Variants in PTPRD observed in about 807,000 individuals in gnomAD.
PTPRD encodes protein tyrosine phosphatase receptor type D.
Under a neutral mutation model 214.5 loss-of-function variants are expected in PTPRD, and 34 were observed. That is an observed-to-expected ratio of 0.16 (90% CI 0.12 to 0.21). The LOEUF (loss-of-function observed/expected upper bound fraction) is 0.21, where lower values mean the gene tolerates loss of function less well. Among genes scored for constraint, PTPRD ranks in the 10% least tolerant of loss-of-function variants. PTPRD has a pLI of 1.00. For missense variants in PTPRD, 2,545 were observed against 2,398.7 expected (o/e 1.06, Z -1.27); for synonymous variants, 1,128 against 845.7 (o/e 1.33, Z -5.79).
intron 3 of PTPRD, among the ~76,000 whole-genome samples, chr9:10,106,020 A>C (rs2098628635): frequency 6.7e-6 from 1 of 149,898 alleles, no homozygotes; most frequent in Admixed American, 6.7e-5. Context: ...ATTCAAAAAA[A>C]AAAAAAAAAA....
At chr9:8,636,058 T>C (rs1447003837) in intron 13 of PTPRD, among the ~76,000 whole-genome samples, 7 of 152,322 alleles carry the variant, frequency 4.6e-5, no homozygotes, top group Admixed American at 2.0e-4. Flanking sequence ...AGAATAGTAC[T>C]TTAAAACACT....
intron 10 of PTPRD, among the ~76,000 whole-genome samples, chr9:9,111,672 T>C (rs997375961): frequency 2.6e-5 from 4 of 152,296 alleles, no homozygotes; most frequent in Admixed American, 1.3e-4. Flanking sequence ...TTTGCTCAAA[T>C]GTTTTCAGAG....
intron 14 of PTPRD, among the ~76,000 whole-genome samples, chr9:8,623,495 G>A (rs1300922944): frequency 7.2e-5 from 11 of 151,866 alleles, no homozygotes; most frequent in African/African-American, 2.4e-4. Context: ...AATTCTGCCT[G>A]TGCCAAAAAG....
intron 7 of PTPRD, among the ~76,000 whole-genome samples, chr9:9,648,567 G>C (rs898055183): frequency 2.6e-5 from 4 of 152,184 alleles, no homozygotes; most frequent in African/African-American, 9.7e-5. Flanking sequence ...GATCACTACA[G>C]ACAAAGCTGA....
intron 2 of PTPRD, among the ~76,000 whole-genome samples, chr9:10,411,669 T>C (rs955023428): frequency 1.3e-5 from 2 of 149,910 alleles, no homozygotes; most frequent in East Asian, 2.0e-4. Flanking sequence ...TGCTATTTGA[T>C]TTTTTTTACT....
At chr9:9,949,248 A>G (rs1231242913) in intron 4 of PTPRD, among the ~76,000 whole-genome samples, 2 of 152,114 alleles carry the variant, frequency 1.3e-5, no homozygotes, top group Admixed American at 1.3e-4. Flanking sequence ...GCCATTTTCT[A>G]AACACTTTTT....
At chr9:9,926,968 T>C (rs1275750016) in intron 5 of PTPRD, among the ~76,000 whole-genome samples, 1 of 152,144 alleles carries the variant, frequency 6.6e-6, no homozygotes, top group Non-Finnish European at 1.5e-5. Flanking sequence ...CTTAAGACTA[T>C]TAGTGTTGTG....
intron 35 of PTPRD, among the ~76,000 whole-genome samples, chr9:8,429,761 C>G (rs938402246): frequency 4.6e-5 from 7 of 152,166 alleles, no homozygotes; most frequent in Non-Finnish European, 7.3e-5. Flanking sequence ...CCAGAGACGG[C>G]AGCAAATGTG....
At chr9:9,778,171 G>A (rs1290513547) in intron 5 of PTPRD, among the ~76,000 whole-genome samples, 1 of 152,210 alleles carries the variant, frequency 6.6e-6, no homozygotes, top group Admixed American at 6.5e-5. Flanking sequence ...TGACATTGAA[G>A]GCAAGGCTGA....
chr9:8,420,272 G>A (rs2094263234), intron 35 of PTPRD, among the ~76,000 whole-genome samples: 1 of 152,144 alleles, frequency 6.6e-6, no homozygotes, highest in South Asian at 2.1e-4. Flanking sequence ...TAAGAGCTTA[G>A]TAAATATCTG....
intron 4 of PTPRD, among the ~76,000 whole-genome samples, chr9:10,010,546 G>A (rs2096576123): frequency 6.6e-6 from 1 of 151,742 alleles, no homozygotes; most frequent in South Asian, 2.1e-4. Flanking sequence ...TCCACACCTG[G>A]GTCAGTGTAG....
chr9:10,493,463 A>G (rs2041032572), intron 2 of PTPRD, among the ~76,000 whole-genome samples: 1 of 152,128 alleles, frequency 6.6e-6, no homozygotes, highest in African/African-American at 2.4e-5. Flanking sequence ...CAACTATGTG[A>G]CCTTTGACAA....
At chr9:8,714,129 A>G (rs748916376) in intron 12 of PTPRD, among the ~76,000 whole-genome samples, 7 of 152,180 alleles carry the variant, frequency 4.6e-5, no homozygotes, top group Non-Finnish European at 5.9e-5. Context: ...CACAAACCTA[A>G]AGAGATGATC....
rs557156694 is a variant in PTPRD, at chr9:9,857,113, G to C, written c.-368+81394C>G. 2.4e-4 allele frequency among the ~76,000 whole-genome samples: 36 copies of C among 152,206 alleles called. No homozygotes were observed. The South Asian group carries it at 6.6e-3, about 28-fold the overall frequency. On this transcript the variant is annotated intron_variant, in intron 5 of 45. Coordinates refer to ENST00000381196, the MANE Select transcript of PTPRD (RefSeq NM_002839.4). ...TAAAGACATTAATCCTCAACTTTGT[G>C]GAAACTGTACTTAGTTTCAATCCAT...
chr9:8,863,730 G>C (rs186949525), intron 11 of PTPRD, among the ~76,000 whole-genome samples: 44 of 152,200 alleles, frequency 2.9e-4, no homozygotes, highest in African/African-American at 1.0e-3. Flanking sequence ...GTTATATGAG[G>C]TATAAACACA....
At chr9:9,640,029 AT>A (rs1336038691) in intron 7 of PTPRD, among the ~76,000 whole-genome samples, 1 of 152,178 alleles carries the variant, frequency 6.6e-6, no homozygotes, top group East Asian at 1.9e-4. Flanking sequence ...TATTCCAATA[AT>A]TTGTTTCCTC....
chr9:9,046,465 G>T (rs576250195), intron 10 of PTPRD, among the ~76,000 whole-genome samples: 75 of 151,662 alleles, frequency 4.9e-4, no homozygotes, highest in Non-Finnish European at 9.7e-4. Flanking sequence ...CTTAATTCAG[G>T]ATATATCTGG....
chr9:8,644,560 G>C (rs1297217871), intron 12 of PTPRD, among the ~76,000 whole-genome samples: 3 of 152,178 alleles, frequency 2.0e-5, no homozygotes. Flanking sequence ...GAGGACCCCA[G>C]ACCTGGGAGC....
intron 35 of PTPRD, among the ~76,000 whole-genome samples, chr9:8,432,312 G>A (rs763877723): frequency 6.6e-6 from 1 of 152,146 alleles, no homozygotes; most frequent in African/African-American, 2.4e-5. Context: ...GCAGAGATGG[G>A]GTTACACTAA....
Sources: gnomAD v4.1 joint callset for allele counts (sites outside exome capture counted in the v4.1 genomes callset) on GRCh38, gnomAD v4.1.1 for gene constraint, MANE v1.5 for transcripts, NCBI Gene and HGNC (gene_info 2026-07-23, HGNC 2026-07-21) for gene names.